Variants in ME1 observed in about 807,000 individuals in gnomAD.
ME1 encodes NADP-dependent malic enzyme.
Under a neutral mutation model 66.4 loss-of-function variants are expected in ME1, and 74 were observed. The observed-to-expected ratio is 1.11, with a 90% CI of 0.92 to 1.35. ME1 has a LOEUF of 1.35. Ranked by LOEUF, ME1 falls within the 40% of genes most tolerant of loss-of-function variation. ME1 has a pLI of 0.00. For missense variants in ME1, 750 were observed against 694.1 expected, an observed-to-expected ratio of 1.08 and a Z score of -0.90; for synonymous variants, 251 against 235.6, an observed-to-expected ratio of 1.07 and a Z score of -0.60.
At chr6:83,424,051 C>G (rs1245418284) in intron 1 of ME1, among the ~76,000 whole-genome samples, 1 of 149,402 alleles carries the variant, frequency 6.7e-6, no homozygotes, top group Non-Finnish European at 1.5e-5. Flanking sequence ...GAGCTGTGAT[C>G]ACGCCATTGC....
At chr6:83,291,229 A>C (rs1045303977) in intron 6 of ME1, among the ~76,000 whole-genome samples, 1 of 152,154 alleles carries the variant, frequency 6.6e-6, no homozygotes, top group Non-Finnish European at 1.5e-5. Context: ...GGTCTTTACA[A>C]TTTGGCCTGT....
chr6:83,261,776 G>A (rs1766895996), intron 6 of ME1, among the ~76,000 whole-genome samples: 3 of 152,222 alleles, frequency 2.0e-5, no homozygotes, highest in Middle Eastern at 3.4e-3. Context: ...CACTTTGGGA[G>A]GCCGAGGCAG....
In ME1 at chr6:83,253,622, T is replaced by G. The variant is rs200461398; in HGVS notation, c.814+7A>C. 2.0e-6 allele frequency: 3 copies of G among 1,501,686 alleles called. 1 individual carries two copies. The highest frequency in any genetic ancestry group is 2.8e-5 in the African/African-American group (2 of 72,642). 93.0% of individuals were successfully genotyped at this position (1,501,686 alleles called of 1,614,324 possible). A position where few individuals can be genotyped will look rare whatever the true frequency, so the allele number is the denominator to read the frequency against. On this transcript the variant is annotated splice_region_variant and intron_variant, in intron 7 of 13. Transcript: ENST00000369705. ...TATTGATCCATATGCAGTGAAAATT[T>G]TGTTACCTTGAATATCATCATTGAA...
At position 83,239,525 on chromosome 6, in the gene ME1, C is replaced by T. The variant is rs2273135; in HGVS notation, c.912+14G>A. The stretch of plus-strand genomic sequence containing the variant: ...TTAGTTTAGGAGAACATAAGTATTA[C>T]ACAAGGCAAATACCTCTCCAGCTCC... On this transcript the variant is annotated intron_variant, in intron 8 of 13. Transcript: ENST00000369705. 471 of 1,567,960 alleles carry T rather than the reference C, an allele frequency of 3.0e-4. 5 individuals carry two copies. In the East Asian group the frequency reaches 9.1e-3, roughly 30 times the overall value.
chr6:83,315,397 G>T lies in ME1; in HGVS notation c.617C>A (p.Pro206Gln). The change falls in exon 6 of 14, where the codon CCA (proline) becomes CAA (glutamine). Residue 206 changes from proline (P) to glutamine (Q), a missense_variant. Physicochemically the swap from Pro to Gln is moderately conservative, Grantham distance 76. Transcript: ENST00000369705. Reference protein sequence around the residue: ...GTENEELLKDPLYIGLRQRRV... With the variant: ...GTENEELLKDQLYIGLRQRRV... The stretch of plus-strand genomic sequence containing the variant: ...TCTCTGCCGTAGTCCAATGTAGAGT[G>T]GATCTTTAAGTAACTCCTATTAAAA... 1 of 1,590,224 alleles carries T rather than the reference G, an allele frequency of 6.3e-7. No homozygotes were observed. The highest frequency in any genetic ancestry group is 1.4e-5 in the African/African-American group (1 of 73,910).
At chr6:83,315,232 T>C in intron 6 of ME1, 78 bp downstream of exon 6, 1 of 812,494 alleles carries the variant, frequency 1.2e-6, no homozygotes, top group Non-Finnish European at 2.1e-6. Flanking sequence ...TAAACCATAT[T>C]GCATAAATCT....
chr6:83,330,073 A>AG (rs368334685), intron 5 of ME1, among the ~76,000 whole-genome samples: 133 of 152,240 alleles, frequency 8.7e-4, no homozygotes, highest in African/African-American at 3.1e-3. Flanking sequence ...CTCTCACTTC[A>AG]CCTCCTAAAG....
At chr6:83,315,287 A>G (rs1012901121) in intron 6 of ME1, 23 bp downstream of exon 6, 8 of 1,403,934 alleles carry the variant, frequency 5.7e-6, no homozygotes, top group Admixed American at 1.8e-5. Flanking sequence ...TGACTAAAAT[A>G]TAGGTTAAAT....
chr6:83,306,190 A>C (rs941415354), intron 6 of ME1, among the ~76,000 whole-genome samples: 3 of 151,874 alleles, frequency 2.0e-5, no homozygotes, highest in Non-Finnish European at 2.9e-5. Context: ...TTATTTTCTA[A>C]TTTATTATAT....
intron 3 of ME1, among the ~76,000 whole-genome samples, chr6:83,364,756 CTATCA>C (rs1396764940): frequency 6.6e-6 from 1 of 152,182 alleles, no homozygotes; most frequent in African/African-American, 2.4e-5. Flanking sequence ...ATCTATCTAT[CTATCA>C]AAAACATAAA....
chr6:83,216,363 T>G, intron 13 of ME1, 135 bp downstream of exon 13: 1 of 692,190 alleles, frequency 1.4e-6, no homozygotes, highest in Non-Finnish European at 2.5e-6. Flanking sequence ...TCAGTGTGCC[T>G]CATTTCTCTG....
intron 3 of ME1, among the ~76,000 whole-genome samples, chr6:83,378,970 T>C (rs1170968927): frequency 6.6e-6 from 1 of 152,144 alleles, no homozygotes; most frequent in Non-Finnish European, 1.5e-5. Context: ...AACAGTTCAA[T>C]ATATTCTTTG....
At chr6:83,389,046 G>C (rs1182217133) in intron 3 of ME1, among the ~76,000 whole-genome samples, 1 of 152,114 alleles carries the variant, frequency 6.6e-6, no homozygotes, top group African/African-American at 2.4e-5. Flanking sequence ...TTGAATCCGG[G>C]AGACAGAGGT....
In ME1 at chr6:83,342,278, T is replaced by C. The variant is rs113952327; in HGVS notation, c.600+3895A>G. Among the ~76,000 whole-genome samples, 972 of 152,338 alleles carry C rather than the reference T, an allele frequency of 6.4e-3. 3 individuals carry two copies. The highest frequency in any genetic ancestry group is 8.4e-3 in the Non-Finnish European group (569 of 68,022). On this transcript the variant is annotated intron_variant, in intron 5 of 13. Transcript: ENST00000369705. Reference sequence around the variant, plus strand: ...CCTGTGGAGTATGCTTTCATTTTCATTAAATCTCTTCTTTTCTTGCTTTAT... The same window carrying C: ...CCTGTGGAGTATGCTTTCATTTTCACTAAATCTCTTCTTTTCTTGCTTTAT...
At chr6:83,315,505 A>T in intron 5 of ME1, 92 bp from the exon 6 acceptor site, 2 of 736,146 alleles carry the variant, frequency 2.7e-6, no homozygotes, top group Non-Finnish European at 4.6e-6. Flanking sequence ...AGGGACAAAA[A>T]TAGAAATAAA....
chr6:83,348,566 G>A lies in ME1; in HGVS notation c.439-2232C>T, dbSNP rs1458094491. Among the ~76,000 whole-genome samples the A allele has an allele frequency of 3.9e-5, 6 of 152,034 alleles. No homozygotes were observed. The East Asian group carries it at 9.7e-4, about 24-fold the overall frequency. On this transcript the variant is annotated intron_variant, in intron 4 of 13. Transcript: ENST00000369705. ...AAATGCTTTCCAGATTTCATCAAAA[G>A]TGCTTAAACACAGAGAGTTGTTATT...
intron 11 of ME1, among the ~76,000 whole-genome samples, chr6:83,226,408 A>C (rs1790199580): frequency 6.6e-6 from 1 of 152,144 alleles, no homozygotes. Context: ...TGATGCTAAG[A>C]CTTGGTTGTT....
At chr6:83,217,254 G>A (rs1052591431) in intron 12 of ME1, among the ~76,000 whole-genome samples, 2 of 152,138 alleles carry the variant, frequency 1.3e-5, no homozygotes, top group Non-Finnish European at 2.9e-5. Context: ...CTAAGACTTT[G>A]ATTAAATTTC....
chr6:83,406,916 C>T (rs1344630671), intron 2 of ME1, among the ~76,000 whole-genome samples: 1 of 151,058 alleles, frequency 6.6e-6, no homozygotes, highest in African/African-American at 2.4e-5. Context: ...ATTTAACAAG[C>T]CTTCTCCCTC....
Sources: gnomAD v4.1 joint callset for allele counts (sites outside exome capture counted in the v4.1 genomes callset) on GRCh38, gnomAD v4.1.1 for gene constraint, MANE v1.5 for transcripts, NCBI Gene and HGNC (gene_info 2026-07-23, HGNC 2026-07-21) for gene names.